Variants in MSRA observed in about 807,000 individuals in gnomAD.
The protein encoded by MSRA is mitochondrial peptide methionine sulfoxide reductase.
A neutral mutation model predicts 31.3 loss-of-function variants in MSRA; 54 were observed. The ratio of observed to expected loss-of-function variants is 1.73; its 90% CI spans 1.39 to 2.17. The LOEUF (loss-of-function observed/expected upper bound fraction) is 2.17, where lower values mean the gene tolerates loss of function less well. MSRA is among the 30% of genes most tolerant of loss of function. The pLI is 0.00. For missense variants in MSRA, 507 were observed against 300.9 expected (o/e 1.69, Z -5.07); for synonymous variants, 169 against 116.5 (o/e 1.45, Z -2.90).
intron 3 of MSRA, among the ~76,000 whole-genome samples, chr8:10,261,750 C>T (rs1235548036): frequency 1.3e-5 from 2 of 152,102 alleles, no homozygotes; most frequent in Non-Finnish European, 2.9e-5. Context: ...TTCGGGTTCC[C>T]TTTTGGTGGT....
At chr8:10,131,596 A>G (rs1475106076) in intron 1 of MSRA, among the ~76,000 whole-genome samples, 1 of 152,220 alleles carries the variant, frequency 6.6e-6, no homozygotes, top group East Asian at 1.9e-4. Context: ...TAGGAATCCT[A>G]GTATTCACAC....
intron 5 of MSRA, among the ~76,000 whole-genome samples, chr8:10,391,667 G>GGGC (rs1806756755): frequency 6.6e-6 from 1 of 152,170 alleles, no homozygotes; most frequent in African/African-American, 2.4e-5. Flanking sequence ...GGCTGAGCGT[G>GGGC]GGCTAGGAGT....
chr8:10,205,819 G>T (rs1401252605), intron 1 of MSRA, among the ~76,000 whole-genome samples: 1 of 152,134 alleles, frequency 6.6e-6, no homozygotes, highest in Non-Finnish European at 1.5e-5. Context: ...TGTAGAAGTT[G>T]TAATAGGATT....
intron 2 of MSRA, among the ~76,000 whole-genome samples, chr8:10,212,231 G>A (rs1231201992): frequency 6.6e-6 from 1 of 151,828 alleles, no homozygotes; most frequent in African/African-American, 2.4e-5. Flanking sequence ...ACATAAATTT[G>A]TCATCCAAAC....
chr8:10,253,525 A>G (rs919310414), intron 3 of MSRA, among the ~76,000 whole-genome samples: 15 of 152,234 alleles, frequency 9.9e-5, no homozygotes, highest in African/African-American at 2.7e-4. Flanking sequence ...GAAAGGAACA[A>G]TAATAAAAAC....
intron 5 of MSRA, among the ~76,000 whole-genome samples, chr8:10,419,743 T>C (rs1463017039): frequency 6.6e-6 from 1 of 152,168 alleles, no homozygotes; most frequent in Non-Finnish European, 1.5e-5. Context: ...GTATATCTCT[T>C]TGGGTGGAGG....
intron 2 of MSRA, among the ~76,000 whole-genome samples, chr8:10,236,512 G>A (rs1811955910): frequency 6.6e-6 from 1 of 152,132 alleles, no homozygotes; most frequent in South Asian, 2.1e-4. Context: ...CACAAATCAT[G>A]GGGTACATAG....
chr8:10,256,405 C>G (rs961111661), intron 3 of MSRA, among the ~76,000 whole-genome samples: 1 of 152,090 alleles, frequency 6.6e-6, no homozygotes, highest in South Asian at 2.1e-4. Context: ...CAAGTTTTGA[C>G]AATTACGGAT....
rs149615383 is a variant in MSRA, at chr8:10,203,916, G to A, written c.143-3917G>A. 1.2e-4 allele frequency among the ~76,000 whole-genome samples: 18 copies of A among 152,248 alleles called. No homozygotes were observed. The East Asian group carries it at 3.5e-3, about 29-fold the overall frequency. ...ATTCTGATCATGCTTAGGCTTAGGC[G>A]AATGTGTGCATTTGTGTCTTAGTTT... is the stretch of plus-strand genomic sequence containing the variant. On this transcript the variant is annotated intron_variant, in intron 1 of 5. Coordinates refer to ENST00000317173, the MANE Select transcript of MSRA (RefSeq NM_012331.5).
intron 1 of MSRA, among the ~76,000 whole-genome samples, chr8:10,087,898 T>C (rs527466983): frequency 9.2e-5 from 14 of 152,334 alleles, no homozygotes; most frequent in African/African-American, 2.9e-4. Context: ...ACCTCATACA[T>C]ATAAATCACA....
intron 1 of MSRA, among the ~76,000 whole-genome samples, chr8:10,185,969 G>C (rs1437910235): frequency 6.6e-6 from 1 of 152,086 alleles, no homozygotes; most frequent in Non-Finnish European, 1.5e-5. Flanking sequence ...TCTGGGTTGG[G>C]GGGAGTGGAA....
chr8:10,077,841 C>G (rs1353391127), intron 1 of MSRA, among the ~76,000 whole-genome samples: 1 of 152,066 alleles, frequency 6.6e-6, no homozygotes, highest in Non-Finnish European at 1.5e-5. Flanking sequence ...TCCATTGGTC[C>G]CATTTACTCA....
At chr8:10,387,996 A>G (rs1026649485) in intron 5 of MSRA, among the ~76,000 whole-genome samples, 2 of 152,168 alleles carry the variant, frequency 1.3e-5, no homozygotes, top group African/African-American at 2.4e-5. Flanking sequence ...ATAGTAGTAC[A>G]GGGGAGGGGA....
At chr8:10,270,501 C>T (rs1798974753) in intron 3 of MSRA, among the ~76,000 whole-genome samples, 1 of 151,794 alleles carries the variant, frequency 6.6e-6, no homozygotes, top group African/African-American at 2.4e-5. Context: ...GAGAGTTTTG[C>T]AGATGGAAGA....
At chr8:10,418,864 G>A (rs1405689284) in intron 5 of MSRA, among the ~76,000 whole-genome samples, 4 of 137,176 alleles carry the variant, frequency 2.9e-5, no homozygotes, top group Non-Finnish European at 6.2e-5. Flanking sequence ...AACACCAACA[G>A]GGAGAACCAC....
At chr8:10,342,890 G>A (rs1803520865) in intron 5 of MSRA, among the ~76,000 whole-genome samples, 1 of 152,212 alleles carries the variant, frequency 6.6e-6, no homozygotes, top group South Asian at 2.1e-4. Context: ...TCGGGCAAGT[G>A]TCTTAACTTC....
chr8:10,232,865 G>T (rs1811611958), intron 2 of MSRA, among the ~76,000 whole-genome samples: 1 of 152,168 alleles, frequency 6.6e-6, no homozygotes, highest in Non-Finnish European at 1.5e-5. Context: ...ATGTAAATTT[G>T]ATTCAGTGAC....
chr8:10,066,779 C>T (rs1286671137), intron 1 of MSRA, among the ~76,000 whole-genome samples: 3 of 152,104 alleles, frequency 2.0e-5, no homozygotes. Flanking sequence ...AGGTGATCCG[C>T]CTACCTCACC....
At chr8:10,142,251 C>A (rs1379347883) in intron 1 of MSRA, among the ~76,000 whole-genome samples, 1 of 152,194 alleles carries the variant, frequency 6.6e-6, no homozygotes, top group African/African-American at 2.4e-5. Context: ...AGCCACCGTG[C>A]CTGGCCCTTA....
Sources: gnomAD v4.1 joint callset for allele counts (sites outside exome capture counted in the v4.1 genomes callset) on GRCh38, gnomAD v4.1.1 for gene constraint, MANE v1.5 for transcripts, NCBI Gene and HGNC (gene_info 2026-07-23, HGNC 2026-07-21) for gene names.